Variants in RECQL4 observed in about 807,000 individuals in gnomAD.
RECQL4 encodes RecQ like helicase 4.
Under a neutral mutation model 128.6 loss-of-function variants are expected in RECQL4, and 158 were observed. That is an observed-to-expected ratio of 1.23 (90% CI 1.08 to 1.40). The LOEUF (loss-of-function observed/expected upper bound fraction) is 1.40, where lower values mean the gene tolerates loss of function less well. Among genes scored for constraint, RECQL4 ranks in the 40% most tolerant of loss-of-function variants. The pLI, the probability that RECQL4 is intolerant of heterozygous loss-of-function variation, is 0.00. For synonymous variants in RECQL4, 996 were observed against 678.9 expected (o/e 1.47, Z -7.26); for missense variants, 2,293 against 1,649.8 (o/e 1.39, Z -6.75).
In RECQL4 at chr8:144,513,055, C is replaced by T. The variant is rs1827554882; in HGVS notation, c.2547G>A (p.Val849=). 1 of 1,579,546 alleles carries T rather than the reference C, an allele frequency of 6.3e-7. No individual in the cohort carries two copies. The highest frequency in any genetic ancestry group is 8.6e-7 in the Non-Finnish European group (1 of 1,163,632). ...FLAVKRLVQR[V]FPACTCTCTR... Reference sequence around the variant, plus strand: ...TGCAGGTGCAGGTGCAGGCTGGGAACACGCGCTGTACCAGCCTCTTCACAG... The same window carrying T: ...TGCAGGTGCAGGTGCAGGCTGGGAATACGCGCTGTACCAGCCTCTTCACAG... The change falls in exon 15 of 21, where the codon GTG becomes GTA. Residue 849 remains valine (V), a synonymous_variant. Coordinates refer to ENST00000617875, the MANE Select transcript of RECQL4 (RefSeq NM_004260.4).
At chr8:144,514,653 G>A (rs1827885357) in intron 9 of RECQL4, 128 bp from the exon 10 acceptor site, 2 of 1,056,826 alleles carry the variant, frequency 1.9e-6, no homozygotes, top group African/African-American at 1.6e-5. Context: ...CTGGGTCCTA[G>A]GGCTAAGGGT....
chr8:144,514,171 A>T lies in RECQL4; in HGVS notation c.1878+18T>A, dbSNP rs765897345. On this transcript the variant is annotated intron_variant, in intron 11 of 20. Transcript: ENST00000617875. ...CATCCCGGCCCTGGCCGCCCACCCC[A>T]GTTCACATATGGCTCACCTTGCAGA... 1 of 1,611,892 alleles carries T rather than the reference A, an allele frequency of 6.2e-7. No individual in the cohort carries two copies.
rs766282231 is a variant in RECQL4, at chr8:144,514,235, G to C, written c.1832C>G (p.Ser611Cys). Residue 611 changes from serine to cysteine, a missense_variant, in exon 11 of 21, where the codon TCC becomes TGC. Coordinates refer to ENST00000617875, the MANE Select transcript of RECQL4 (RefSeq NM_004260.4). The part of the protein sequence containing the change: ...FACIDEAHCL[S>C]QWSHNFRPCY... ...GGGCCGGAAGTTGTGGGACCACTGG[G>C]AGAGGCAGTGGGCCTCATCAATGCA... 1.9e-6 allele frequency: 3 copies of C among 1,612,238 alleles called. No homozygotes were observed. In the East Asian group the frequency reaches 6.7e-5, roughly 36 times the overall value.
Position 144,513,821 on chromosome 8 carries a change from G to T in RECQL4, c.2058+107C>A, listed in dbSNP as rs4925829. The T allele has an allele frequency of 1.6e-5, 10 of 639,400 alleles. 1 individual carries two copies. The highest frequency in any genetic ancestry group is 4.6e-5 in the Admixed American group (1 of 21,754). 39.6% of individuals were successfully genotyped at this position (639,400 alleles called of 1,614,324 possible). ...GGAGTGAGGAGGGGTCGGCGTGGGC[G>T]GTGGGGAGTGAGAAGGGGTCGGCGT... On this transcript the variant is annotated intron_variant, in intron 12 of 20. Transcript: ENST00000617875.
rs373187237 is a variant in RECQL4, at chr8:144,513,099, C to T, written c.2503G>A (p.Asp835Asn). The change falls in exon 15 of 21, where the codon GAC (aspartate) becomes AAC (asparagine). Residue 835 changes from aspartate (D) to asparagine (N), a missense_variant. By Grantham distance (23) the Asp-to-Asn change is conservative (BLOSUM62 1). Transcript: ENST00000617875. Reference sequence around the variant, plus strand: ...TTCACAGCCAGGAAGTCCGTGCTGTCGGCGTGCACATGTCTGCGCAGCTCT... The same window carrying T: ...TTCACAGCCAGGAAGTCCGTGCTGTTGGCGTGCACATGTCTGCGCAGCTCT... ...LRELRRHVHA[D>N]STDFLAVKRL... 8.8e-5 allele frequency: 138 copies of T among 1,571,176 alleles called. 1 individual carries two copies. Among genetic ancestry groups the T allele is most frequent in the South Asian group, 4.2e-4 (36 of 85,488 alleles).
In RECQL4 at chr8:144,517,160, G is replaced by A. The variant is rs749101720; in HGVS notation, c.244C>T (p.Leu82=). ...GGACTCTTGGTCGCAGCCCGATTCA[G>A]ATGGGGCCCCCAGCAGCGGGGCTCT... The part of the protein sequence containing the change: ...APEPRCWGPH[L]NRAATKSPQS... Residue 82 remains leucine, a synonymous_variant, in exon 4 of 21, where the codon CTG becomes TTG. Transcript: ENST00000617875. The A allele has an allele frequency of 6.2e-7, 1 of 1,609,790 alleles. No homozygotes were observed. Among genetic ancestry groups the A allele is most frequent in the Non-Finnish European group, 8.5e-7 (1 of 1,179,068 alleles).
intron 5 of RECQL4, 31 bp downstream of exon 5, chr8:144,515,957 G>A (rs1378694933): frequency 1.9e-6 from 3 of 1,611,768 alleles, no homozygotes; most frequent in Non-Finnish European, 2.5e-6. Flanking sequence ...GAGGGAAAGG[G>A]AATGCCTGTC....
In RECQL4 at chr8:144,517,823, C is replaced by G. The variant is rs1815467195; in HGVS notation, c.-39G>C. 8.4e-7 allele frequency: 1 copy of G among 1,186,580 alleles called. No individual in the cohort carries two copies. Among genetic ancestry groups the G allele is most frequent in the Non-Finnish European group, 1.0e-6 (1 of 958,034 alleles). The allele number at this position is 1,186,580 out of a possible 1,614,324, so 73.5% of individuals were successfully genotyped here. A position where few individuals can be genotyped will look rare whatever the true frequency, so the allele number is the denominator to read the frequency against. ...GCCCGGCCTCCGCGCTTGCGATCGT[C>G]CAGCGAATCTCCCGCGCAGCCGTCG... On this transcript the variant is annotated 5_prime_UTR_variant, in exon 1 of 21. Coordinates refer to ENST00000617875, the MANE Select transcript of RECQL4 (RefSeq NM_004260.4).
Position 144,514,288 on chromosome 8 carries a change from G to C in RECQL4, c.1779C>G (p.Ala593=). Residue 593 remains alanine, a synonymous_variant, in exon 11 of 21, where the codon GCC becomes GCG. Transcript: ENST00000617875. ...ALVGAGGLPP[A]AQLPPVAFAC... ...CAAAAGCAACTGGAGGCAGCTGTGC[G>C]GCTGGAGGGAGGCCTCCCGCCCCCA... is the stretch of plus-strand genomic sequence containing the variant. 3 of 1,611,406 alleles carry C rather than the reference G, an allele frequency of 1.9e-6. No homozygotes were observed. The highest frequency in any genetic ancestry group is 2.5e-6 in the Non-Finnish European group (3 of 1,179,418).
Position 144,513,198 on chromosome 8 carries a change from T to TGGGG in RECQL4, c.2463+16_2463+19dup. 7.1e-7 allele frequency: 1 copy of TGGGG among 1,399,976 alleles called. No homozygotes were observed. The highest frequency in any genetic ancestry group is 9.5e-7 in the Non-Finnish European group (1 of 1,057,576). The allele number at this position is 1,399,976 out of a possible 1,614,324, so 86.7% of individuals were successfully genotyped here. A position where few individuals can be genotyped will look rare whatever the true frequency, so the allele number is the denominator to read the frequency against. On this transcript the variant is annotated intron_variant, in intron 14 of 20. Transcript: ENST00000617875. ...ACTGGGGGCTCGAGCACTGGCAGTGTGGGGGGGGGGGGTGCCAACCTGGGG... is the reference window on the plus strand; with the variant it reads ...ACTGGGGGCTCGAGCACTGGCAGTGTGGGGGGGGGGGGGGGGTGCCAACCTGGGG...
chr8:144,515,531 C>T (rs1340941466), intron 6 of RECQL4, 74 bp from the exon 7 acceptor site: 2 of 1,601,406 alleles, frequency 1.2e-6, no homozygotes, highest in Non-Finnish European at 1.7e-6. Flanking sequence ...ACCTCTCCTT[C>T]CCCCAAAGGG....
At position 144,513,385 on chromosome 8, in the gene RECQL4, G is replaced by A. The variant is rs1586802958; in HGVS notation, c.2296C>T (p.Arg766Trp). ...AAGGCCACCGTGGCCACCACCACCC[G>A]CAACTGGCCCTGCATGAAGGCTCGC... ...VQRAFMQGQL[R>W]VVVATVAFGM... Residue 766 changes from arginine (R) to tryptophan (W), a missense_variant, in exon 14 of 21, where the codon CGG becomes TGG. Arg to Trp is a moderately radical substitution (Grantham distance 101). Transcript: ENST00000617875. The A allele has an allele frequency of 1.6e-5, 26 of 1,607,730 alleles. No individual in the cohort carries two copies. Among genetic ancestry groups the A allele is most frequent in the Admixed American group, 1.2e-4 (7 of 59,954 alleles).
rs1815101287 is a variant in RECQL4, at chr8:144,516,740, G to T, written c.379C>A (p.Pro127Thr). The change falls in exon 5 of 21, where the codon CCG becomes ACG. Residue 127 changes from proline (P) to threonine (T), a missense_variant. Transcript: ENST00000617875. ...GATGAGGCTCTTCCTAGAGGCCACG[G>T]TCTGCGGCCCAGGGCTGGTCCGGCC... ...LQAGPALGRR[P>T]WPLGRASSKA... is the part of the protein sequence containing the mutation. 3.9e-6 allele frequency: 6 copies of T among 1,530,082 alleles called. No homozygotes were observed. The East Asian group carries it at 9.0e-5, about 23-fold the overall frequency. The allele number at this position is 1,530,082 out of a possible 1,614,324, so 94.8% of individuals were successfully genotyped here. A position where few individuals can be genotyped will look rare whatever the true frequency, so the allele number is the denominator to read the frequency against.
chr8:144,512,316 G>A lies in RECQL4; in HGVS notation c.3064C>T (p.Arg1022Cys), dbSNP rs758008013. Residue 1022 changes from arginine (R) to cysteine (C), a missense_variant, in exon 18 of 21, where the codon CGT (arginine) becomes TGT (cysteine). By Grantham distance (180) the Arg-to-Cys change is radical. Transcript: ENST00000617875. ...WDHEPRTGVR[R>C]GTGVLVEFSE... ...AACTCCACAAGCACCCCTGTCCCAC[G>A]CCGCACACCTGCCGGAAAGCATGTC... 1.6e-5 allele frequency: 25 copies of A among 1,612,300 alleles called. No homozygotes were observed. The highest frequency in any genetic ancestry group is 3.3e-5 in the Admixed American group (2 of 60,018).
rs1827626084 is a variant in RECQL4 at position 144,513,390 on chromosome 8, T to G, written c.2291A>C (p.Gln764Pro). Reference protein sequence around the residue: ...RRVQRAFMQGQLRVVVATVAF... With the variant: ...RRVQRAFMQGPLRVVVATVAF... ...CACCGTGGCCACCACCACCCGCAACTGGCCCTGCATGAAGGCTCGCTGTAC... is the reference window on the plus strand; with the variant it reads ...CACCGTGGCCACCACCACCCGCAACGGGCCCTGCATGAAGGCTCGCTGTAC... Residue 764 changes from glutamine to proline, a missense_variant, in exon 14 of 21, where the codon CAG (glutamine) becomes CCG (proline). Gln to Pro is a moderately conservative substitution (Grantham distance 76). Coordinates refer to ENST00000617875, the MANE Select transcript of RECQL4 (RefSeq NM_004260.4). 1 of 1,608,294 alleles carries G rather than the reference T, an allele frequency of 6.2e-7. No homozygotes were observed. Among genetic ancestry groups the G allele is most frequent in the Non-Finnish European group, 8.5e-7 (1 of 1,179,702 alleles).
intron 18 of RECQL4, 21 bp from the exon 19 acceptor site, chr8:144,512,088 G>C (rs753965534): frequency 6.2e-7 from 1 of 1,606,200 alleles, no homozygotes; most frequent in Non-Finnish European, 8.5e-7. Context: ...GAGCCTGTCA[G>C]AGCTGATCAC....
In RECQL4 at chr8:144,516,300, T is replaced by C. The variant is rs1586823356; in HGVS notation, c.819A>G (p.Ala273=). The C allele has an allele frequency of 6.2e-7, 1 of 1,610,458 alleles. No individual in the cohort carries two copies. Among genetic ancestry groups the C allele is most frequent in the South Asian group, 1.1e-5 (1 of 90,868 alleles). Residue 273 remains alanine (A), a synonymous_variant, in exon 5 of 21, where the codon GCA becomes GCG. Transcript: ENST00000617875. ...RWNEEPWESP[A]QVQQESSQAG... Reference sequence around the variant, plus strand: ...CTTGGCTGCTCTCCTGCTGGACCTGTGCGGGGCTCTCCCAGGGCTCCTCGT... The same window carrying C: ...CTTGGCTGCTCTCCTGCTGGACCTGCGCGGGGCTCTCCCAGGGCTCCTCGT...
In RECQL4 at chr8:144,513,646, G is replaced by A. The variant is rs199562131; in HGVS notation, c.2125C>T (p.Arg709Trp). The A allele has an allele frequency of 6.5e-5, 103 of 1,581,296 alleles. No homozygotes were observed. The highest frequency in any genetic ancestry group is 8.1e-5 in the Non-Finnish European group (94 of 1,164,188). Residue 709 changes from arginine (R) to tryptophan (W), a missense_variant, in exon 13 of 21, where the codon CGG (arginine) becomes TGG (tryptophan). Arg to Trp is a moderately radical substitution (Grantham distance 101). Coordinates refer to ENST00000617875, the MANE Select transcript of RECQL4 (RefSeq NM_004260.4). ...NLDSIIIYCN[R>W]REDTERIAAL... ...GCGATCCGCTCTGTGTCCTCGCGCC[G>A]GTTGCAGTAAATGATAATGGAATCG...
At chr8:144,515,912 G>A (rs772369536) in intron 5 of RECQL4, 22 bp from the exon 6 acceptor site, 3 of 1,612,670 alleles carry the variant, frequency 1.9e-6, no homozygotes, top group South Asian at 2.2e-5. Flanking sequence ...CCACATAGGA[G>A]GGTCACTGGG....
Sources: gnomAD v4.1 joint callset for allele counts on GRCh38, gnomAD v4.1.1 for gene constraint, MANE v1.5 for transcripts, NCBI Gene and HGNC (gene_info 2026-07-23, HGNC 2026-07-21) for gene names.